Variants in MTA3 observed in about 807,000 individuals in gnomAD.
MTA3 encodes the protein metastasis associated 1 family member 3.
In MTA3, 34 loss-of-function variants were observed where a neutral mutation model predicts 83.5. The observed-to-expected ratio is 0.41, with a 90% CI of 0.31 to 0.54. MTA3 has a LOEUF of 0.54. MTA3 is among the 20% of genes least tolerant of loss of function. The probability of loss-of-function intolerance (pLI) is 0.33; values close to 1 mark genes in which losing one functional copy is unlikely to be tolerated. For synonymous variants in MTA3, 303 were observed against 252.7 expected (o/e 1.20, Z -1.89); for missense variants, 761 against 726.4 (o/e 1.05, Z -0.55).
At chr2:42,602,033 G>T (rs892547987) in intron 3 of MTA3, among the ~76,000 whole-genome samples, 2 of 152,304 alleles carry the variant, frequency 1.3e-5, no homozygotes, top group African/African-American at 4.8e-5. Context: ...AGAGGCGGGG[G>T]TCTTGCCATG....
At chr2:42,565,110 T>C (rs955895506), upstream of MTA3, among the ~76,000 whole-genome samples, 3 of 151,926 alleles carry the variant, frequency 2.0e-5, no homozygotes, top group African/African-American at 7.3e-5. Context: ...TTTTCGCACA[T>C]ATAAAAACTC....
intron 7 of MTA3, among the ~76,000 whole-genome samples, chr2:42,657,050 C>T (rs112531493): frequency 0.035 from 5,288 of 152,014 alleles, 114 homozygotes; most frequent in Non-Finnish European, 0.053. Flanking sequence ...TTTTTAAATA[C>T]ATTAAATGGG....
intron 2 of MTA3, among the ~76,000 whole-genome samples, chr2:42,534,596 AAAGAAG>A (rs1676133508): frequency 7.6e-6 from 1 of 132,448 alleles, no homozygotes; most frequent in African/African-American, 2.8e-5. Context: ...ACTCTAAAAA[AAAGAAG>A]AAAAAGAAAA....
intron 16 of MTA3, among the ~76,000 whole-genome samples, chr2:42,725,570 G>A (rs968302323): frequency 6.6e-6 from 1 of 152,236 alleles, no homozygotes; most frequent in Non-Finnish European, 1.5e-5. Context: ...AGGGTTGGGA[G>A]AGCACAAGGA....
At chr2:42,597,630 C>T (rs540525599) in intron 3 of MTA3, among the ~76,000 whole-genome samples, 14 of 150,946 alleles carry the variant, frequency 9.3e-5, no homozygotes, top group East Asian at 7.8e-4. Flanking sequence ...GTGATCTGCC[C>T]GCCTCAGCCT....
At chr2:42,671,734 A>G (rs1690811033) in intron 8 of MTA3, among the ~76,000 whole-genome samples, 1 of 152,054 alleles carries the variant, frequency 6.6e-6, no homozygotes, top group South Asian at 2.1e-4. Flanking sequence ...ACCTATTTTA[A>G]TTGCCTTTGA....
At chr2:42,698,450 CT>C (rs1377043464) in intron 11 of MTA3, 1 of 151,598 alleles carries the variant, frequency 6.6e-6, no homozygotes, top group Non-Finnish European at 1.5e-5. Context: ...AATCCCAGCA[CT>C]TTGGGGAACC....
chr2:42,686,451 C>A (rs1692373890), intron 9 of MTA3, among the ~76,000 whole-genome samples: 1 of 151,996 alleles, frequency 6.6e-6, no homozygotes, highest in Non-Finnish European at 1.5e-5. Flanking sequence ...CTTTGGGAGT[C>A]CGAGGCAGGA....
intron 2 of MTA3, among the ~76,000 whole-genome samples, chr2:42,504,898 G>T (rs991876950): frequency 1.3e-5 from 2 of 152,094 alleles, no homozygotes; most frequent in African/African-American, 2.4e-5. Context: ...TATAGGAACA[G>T]CCCCTCTTTG....
At chr2:42,523,506 A>G (rs997374338) in intron 2 of MTA3, among the ~76,000 whole-genome samples, 1 of 152,214 alleles carries the variant, frequency 6.6e-6, no homozygotes, top group Non-Finnish European at 1.5e-5. Context: ...CTGACCCCTC[A>G]GTGACTTCAA....
intron 4 of MTA3, among the ~76,000 whole-genome samples, chr2:42,623,768 G>T (rs1335534833): frequency 6.6e-6 from 1 of 151,060 alleles, no homozygotes; most frequent in African/African-American, 2.4e-5. Flanking sequence ...TCTGCTCACG[G>T]CAAACTCCGC....
In MTA3 at chr2:42,755,033, G is replaced by C; in HGVS notation, c.*1634G>C. ...GCTTGGGGCGCTGAGGGTGGGGCCTGTGTCAGAAGCATTTGGTGAGAGGGG... is the reference window on the plus strand; with the variant it reads ...GCTTGGGGCGCTGAGGGTGGGGCCTCTGTCAGAAGCATTTGGTGAGAGGGG... On this transcript the variant is annotated 3_prime_UTR_variant, in exon 17 of 17. Coordinates refer to ENST00000405094, the MANE Select transcript of MTA3 (RefSeq NM_001330442.2). The C allele has an allele frequency of 1.0e-6, 1 of 985,724 alleles. No homozygotes were observed. The highest frequency in any genetic ancestry group is 5.2e-4 in the Middle Eastern group (1 of 1,914). 61.1% of individuals were successfully genotyped at this position (985,724 alleles called of 1,614,324 possible).
intron 14 of MTA3, 197 bp downstream of exon 14, chr2:42,709,293 A>C: frequency 7.1e-7 from 1 of 1,409,342 alleles, no homozygotes; most frequent in Non-Finnish European, 9.2e-7. Context: ...AAAAAAATCA[A>C]AACATTGAAA....
intron 3 of MTA3, among the ~76,000 whole-genome samples, chr2:42,602,931 A>G (rs866436541): frequency 1.3e-5 from 2 of 152,092 alleles, no homozygotes; most frequent in Admixed American, 6.6e-5. Context: ...ATCAAGCTAC[A>G]TGACATGAAT....
chr2:42,736,385 T>A (rs1668616471), intron 16 of MTA3, among the ~76,000 whole-genome samples: 1 of 152,168 alleles, frequency 6.6e-6, no homozygotes, highest in Non-Finnish European at 1.5e-5. Context: ...GTGTCAGACC[T>A]GAAGCCAACA....
intron 8 of MTA3, among the ~76,000 whole-genome samples, chr2:42,668,022 T>G (rs1352069769): frequency 6.6e-6 from 1 of 152,110 alleles, no homozygotes; most frequent in Non-Finnish European, 1.5e-5. Flanking sequence ...TAACCTACCT[T>G]TGTCTGAGTT....
intron 2 of MTA3, among the ~76,000 whole-genome samples, chr2:42,502,324 G>T (rs1247460248): frequency 6.6e-6 from 1 of 152,176 alleles, no homozygotes; most frequent in Non-Finnish European, 1.5e-5. Flanking sequence ...ACAAAGAATG[G>T]CAGTCTGAGT....
Position 42,722,873 on chromosome 2 carries a change from T to G in MTA3, c.1613-16T>G, listed in dbSNP as rs1040393527. ...ATATCATGTTCTGAATTGAGAAACC[T>G]TTTTTCCCCCATCAGAGATCCATCC... On this transcript the variant is annotated splice_polypyrimidine_tract_variant and intron_variant, in intron 15 of 16. Transcript: ENST00000405094. 6.5e-7 allele frequency: 1 copy of G among 1,547,422 alleles called. No individual in the cohort carries two copies. Among genetic ancestry groups the G allele is most frequent in the East Asian group, 2.5e-5 (1 of 40,748 alleles).
At chr2:42,596,816 A>T (rs889336581) in intron 3 of MTA3, among the ~76,000 whole-genome samples, 37 of 152,260 alleles carry the variant, frequency 2.4e-4, no homozygotes, top group African/African-American at 8.9e-4. Context: ...TAGTTGATTG[A>T]AAATCCTTAA....
Sources: allele counts gnomAD v4.1 joint callset (sites outside exome capture counted in the v4.1 genomes callset), GRCh38; gene constraint gnomAD v4.1.1; transcripts MANE v1.5; gene names NCBI Gene and HGNC (gene_info 2026-07-23, HGNC 2026-07-21).